Variants in GRP observed in about 807,000 individuals in gnomAD.
GRP encodes gastrin-releasing peptide.
A neutral mutation model predicts 12.7 loss-of-function variants in GRP; 11 were observed. That is an observed-to-expected ratio of 0.87 (90% CI 0.55 to 1.44). The LOEUF (loss-of-function observed/expected upper bound fraction) is 1.44. Ranked by LOEUF, GRP falls within the 40% of genes most tolerant of loss-of-function variation. The pLI is 0.00. For missense variants in GRP, 212 were observed against 185.4 expected, an observed-to-expected ratio of 1.14 and a Z score of -0.83; for synonymous variants, 84 against 77.7, an observed-to-expected ratio of 1.08 and a Z score of -0.43.
At chr18:59,223,255 G>A (rs565805805) in intron 1 of GRP, among the ~76,000 whole-genome samples, 1 of 152,362 alleles carries the variant, frequency 6.6e-6, no homozygotes, top group African/African-American at 2.4e-5. Context: ...GACAGATGAT[G>A]TTGGGAGAAG....
At chr18:59,227,094 TC>T (rs2069954688) in intron 2 of GRP, among the ~76,000 whole-genome samples, 4 of 149,734 alleles carry the variant, frequency 2.7e-5, no homozygotes, top group African/African-American at 7.4e-5. Flanking sequence ...TTGCTCTCTC[TC>T]TCTCTTTTTT....
chr18:59,227,898 G>A (rs1393347672), intron 2 of GRP, among the ~76,000 whole-genome samples: 1 of 152,164 alleles, frequency 6.6e-6, no homozygotes, highest in South Asian at 2.1e-4. Flanking sequence ...TAATAGGATG[G>A]GTTGAGTGGG....
At chr18:59,225,862 C>CACCAAT (rs57906465) in intron 2 of GRP, 128 bp downstream of exon 2, 19,825 of 766,044 alleles carry the variant, frequency 0.026, 446 homozygotes, top group African/African-American at 0.083. Context: ...ATTAGGCTAA[C>CACCAAT]ACATGCTAAG....
rs1191700773 is a variant in GRP at position 59,227,040 on chromosome 18, TCTTTCTTTCTTTCTTC to T, written c.382+1319_382+1334del. Among the ~76,000 whole-genome samples, 299 of 130,976 alleles carry T rather than the reference TCTTTCTTTCTTTCTTC, an allele frequency of 2.3e-3. 1 individual carries two copies. The highest frequency in any genetic ancestry group is 4.5e-3 in the African/African-American group (149 of 33,014). 85.9% of individuals were successfully genotyped at this position (130,976 alleles called of 152,430 possible). A position where few individuals can be genotyped will look rare whatever the true frequency, so the allele number is the denominator to read the frequency against. ...TTCTTTCTTTCTTTCTTTCTTTCTT[TCTTTCTTTCTTTCTTC>T]CTTTCTTTCTTTTCTTTCCTTTCTC... On this transcript the variant is annotated intron_variant, in intron 2 of 2. Transcript: ENST00000256857.
intron 1 of GRP, among the ~76,000 whole-genome samples, chr18:59,221,287 C>A (rs1464054288): frequency 1.3e-5 from 2 of 152,242 alleles, no homozygotes; most frequent in African/African-American, 4.8e-5. Context: ...AGAGGACGGC[C>A]GCGCTGCGGG....
Position 59,220,176 on chromosome 18 carries a change from T to G in GRP, c.-90T>G. 1.1e-6 allele frequency: 1 copy of G among 920,072 alleles called. No homozygotes were observed. Among genetic ancestry groups the G allele is most frequent in the Non-Finnish European group, 1.4e-6 (1 of 702,870 alleles). 57.0% of individuals were successfully genotyped at this position (920,072 alleles called of 1,614,324 possible). A position where few individuals can be genotyped will look rare whatever the true frequency, so the allele number is the denominator to read the frequency against. On this transcript the variant is annotated 5_prime_UTR_variant, in exon 1 of 3. Transcript: ENST00000256857. Reference sequence around the variant, plus strand: ...AGGCCGCAGCAGTAGCACCAGCGGCTGCGGCGGCGGAGCTCCTCCGAGGTC... The same window carrying G: ...AGGCCGCAGCAGTAGCACCAGCGGCGGCGGCGGCGGAGCTCCTCCGAGGTC...
At chr18:59,221,738 G>C (rs1010717670) in intron 1 of GRP, among the ~76,000 whole-genome samples, 2 of 152,192 alleles carry the variant, frequency 1.3e-5, no homozygotes, top group Admixed American at 1.3e-4. Context: ...GGGGGAAGGA[G>C]TGGGACTGGA....
chr18:59,227,032 T>TCTTC (rs2069946549), intron 2 of GRP, among the ~76,000 whole-genome samples: 3 of 141,350 alleles, frequency 2.1e-5, no homozygotes, highest in Non-Finnish European at 4.6e-5. Flanking sequence ...TTTCTTTCTT[T>TCTTC]CTTTCTTTCT....
At chr18:59,219,525 A>T, upstream of GRP, among the ~76,000 whole-genome samples, 1 of 20,988 alleles carries the variant, frequency 4.8e-5, no homozygotes, top group Non-Finnish European at 8.6e-5. Flanking sequence ...AGGGGAGAGG[A>T]GGGGAGAGGA....
intron 2 of GRP, among the ~76,000 whole-genome samples, chr18:59,227,022 T>TTTCC: frequency 6.9e-6 from 1 of 144,958 alleles, no homozygotes; most frequent in Admixed American, 6.8e-5. Flanking sequence ...TCTTTCTTTC[T>TTTCC]TTCTTTCTTT....
chr18:59,219,642 G>C (rs914169973), upstream of GRP, among the ~76,000 whole-genome samples: 1 of 151,970 alleles, frequency 6.6e-6, no homozygotes, highest in Non-Finnish European at 1.5e-5. Flanking sequence ...AGGAGGCAAG[G>C]TTCCAAAATC....
upstream of GRP, among the ~76,000 whole-genome samples, chr18:59,219,825 C>T (rs1277850808): frequency 6.6e-6 from 1 of 152,104 alleles, no homozygotes; most frequent in African/African-American, 2.4e-5. Context: ...CGGGGTCGCC[C>T]TCTCCAGGAC....
At position 59,220,420 on chromosome 18, in the gene GRP, G is replaced by C; in HGVS notation, c.139+16G>C. Reference sequence around the variant, plus strand: ...TGGGCGGTGGGTGAGTGTCCTGGCCGCGGGAGCCGCGCGCTTGTCCTCCTC... The same window carrying C: ...TGGGCGGTGGGTGAGTGTCCTGGCCCCGGGAGCCGCGCGCTTGTCCTCCTC... On this transcript the variant is annotated intron_variant, in intron 1 of 2. Transcript: ENST00000256857. The C allele has an allele frequency of 7.4e-7, 1 of 1,343,776 alleles. No homozygotes were observed. Among genetic ancestry groups the C allele is most frequent in the Non-Finnish European group, 9.6e-7 (1 of 1,045,304 alleles). 83.2% of individuals were successfully genotyped at this position (1,343,776 alleles called of 1,614,324 possible). A position where few individuals can be genotyped will look rare whatever the true frequency, so the allele number is the denominator to read the frequency against.
intron 2 of GRP, among the ~76,000 whole-genome samples, chr18:59,227,020 T>TCTTTCTTTCTTTCTTTCTTCCTTC (rs1555663415): frequency 1.1e-3 from 161 of 142,030 alleles, no homozygotes; most frequent in East Asian, 4.6e-3. Context: ...TTTCTTTCTT[T>TCTTTCTTTCTTTCTTTCTTCCTTC]CTTTCTTTCT....
chr18:59,225,551 C>A lies in GRP; in HGVS notation c.199C>A (p.Leu67Met). ...TTCTTCTGTTTCTGAGAGAGGGAGCCTGAAGCAGCAGCTGAGAGAGTACAT... is the reference window on the plus strand; with the variant it reads ...TTCTTCTGTTTCTGAGAGAGGGAGCATGAAGCAGCAGCTGAGAGAGTACAT... Reference protein sequence around the residue: ...ESSSVSERGSLKQQLREYIRW... With the variant: ...ESSSVSERGSMKQQLREYIRW... Residue 67 changes from leucine to methionine, a missense_variant, in exon 2 of 3, where the codon CTG (leucine) becomes ATG (methionine). Coordinates refer to ENST00000256857, the MANE Select transcript of GRP (RefSeq NM_002091.5). The A allele has an allele frequency of 6.2e-7, 1 of 1,613,860 alleles. No individual in the cohort carries two copies.
upstream of GRP, chr18:59,220,107 A>AC: frequency 1.0e-5 from 2 of 198,490 alleles, no homozygotes; most frequent in Non-Finnish European, 2.1e-5. Context: ...AGAGCCCCCC[A>AC]GCCCCCCCGC....
chr18:59,227,602 A>G (rs374518129), intron 2 of GRP, among the ~76,000 whole-genome samples: 39 of 152,344 alleles, frequency 2.6e-4, no homozygotes, highest in South Asian at 2.1e-3. Context: ...TAATTTTTGC[A>G]AACATTGAAC....
At chr18:59,227,086 GCTCT>G (rs1160373421) in intron 2 of GRP, among the ~76,000 whole-genome samples, 3 of 59,808 alleles carry the variant, frequency 5.0e-5, no homozygotes, top group Middle Eastern at 0.013. Flanking sequence ...TTTCTCTCTT[GCTCT>G]CTCTCTCTCT....
intron 2 of GRP, among the ~76,000 whole-genome samples, chr18:59,228,534 T>C (rs2069979210): frequency 6.6e-6 from 1 of 152,238 alleles, no homozygotes; most frequent in Admixed American, 6.5e-5. Context: ...TCCTATGTTT[T>C]GATGACAAAG....
Sources: gnomAD v4.1 joint callset for allele counts (sites outside exome capture counted in the v4.1 genomes callset) on GRCh38, gnomAD v4.1.1 for gene constraint, MANE v1.5 for transcripts, NCBI Gene and HGNC (gene_info 2026-07-23, HGNC 2026-07-21) for gene names.